The following CKAP2 variants were observed in gnomAD, a reference collection of about 807,000 sequenced individuals.
The protein encoded by CKAP2 is cytoskeleton-associated protein 2.
Under a neutral mutation model 58.4 loss-of-function variants are expected in CKAP2, and 46 were observed. The observed-to-expected ratio is 0.79, with a 90% CI of 0.62 to 1.01. CKAP2 has a LOEUF of 1.01. Among genes scored for constraint, CKAP2 ranks in the 50% least tolerant of loss-of-function variants. CKAP2 has a pLI of 0.00. For synonymous variants in CKAP2, 293 were observed against 280.9 expected (o/e 1.04, Z -0.43); for missense variants, 809 against 796.4 (o/e 1.02, Z -0.19).
At chr13:52,469,587 TTA>T (rs1341687611) in intron 7 of CKAP2, among the ~76,000 whole-genome samples, 1 of 142,764 alleles carries the variant, frequency 7.0e-6, no homozygotes, top group Non-Finnish European at 1.6e-5. Flanking sequence ...ATTTATTTAT[TTA>T]TTTATTTATT....
intron 2 of CKAP2, among the ~76,000 whole-genome samples, chr13:52,457,808 C>T (rs945670323): frequency 4.0e-5 from 6 of 151,682 alleles, no homozygotes; most frequent in Non-Finnish European, 7.4e-5. Flanking sequence ...GAGCCGAGAT[C>T]GTGCCATTGC....
intron 2 of CKAP2, among the ~76,000 whole-genome samples, chr13:52,459,846 T>G (rs954081376): frequency 6.6e-6 from 1 of 152,146 alleles, no homozygotes; most frequent in Admixed American, 6.5e-5. Context: ...GGATTTTCTT[T>G]GCAATACCGC....
At position 52,474,897 on chromosome 13, in the gene CKAP2, T is replaced by TG. The variant is rs766874363; in HGVS notation, c.1806dup (p.Lys603GlufsTer7). ...TGGAATATTGTTTTAATTTTCAGTG[T>TG]GAAAAAAAAGGTGCAGTTTGATGGA... On this transcript the variant is annotated frameshift_variant, in exon 9 of 9. Transcript: ENST00000258607. LOFTEE classifies it high-confidence loss of function. 1.2e-5 allele frequency: 20 copies of TG among 1,606,316 alleles called. No homozygotes were observed. Among genetic ancestry groups the TG allele is most frequent in the South Asian group, 8.8e-5 (8 of 90,426 alleles).
At chr13:52,470,376 A>ATGAC (rs1457703196) in intron 7 of CKAP2, among the ~76,000 whole-genome samples, 1 of 152,130 alleles carries the variant, frequency 6.6e-6, no homozygotes, top group Non-Finnish European at 1.5e-5. Flanking sequence ...AAGTGCTGGG[A>ATGAC]TGACAGGTGT....
At chr13:52,456,326 G>A (rs1449912242) in intron 1 of CKAP2, 197 bp from the exon 2 acceptor site, 2 of 676,674 alleles carry the variant, frequency 3.0e-6, no homozygotes, top group Non-Finnish European at 4.4e-6. Flanking sequence ...GGGGTTTTGG[G>A]GACCTGTTGT....
At chr13:52,469,525 T>G (rs967175283) in intron 7 of CKAP2, among the ~76,000 whole-genome samples, 8 of 152,136 alleles carry the variant, frequency 5.3e-5, no homozygotes, top group Admixed American at 4.6e-4. Context: ...AGGCAAAAAA[T>G]ACCCTCTTAT....
In CKAP2 at chr13:52,461,199, C is replaced by T; in HGVS notation, c.373C>T (p.Gln125Ter). ...CACACATAAACCTAAGGATAGTAAT[C>T]AAACTCCGCATTTGTTACTAACTGA... The part of the protein sequence containing the change: ...IDTHKPKDSN[Q>*]TPHLLLTEDD... Residue 125 changes from glutamine (Q) to a stop codon, truncating the protein, a stop_gained, in exon 4 of 9, where the codon CAA becomes TAA. Transcript: ENST00000258607. LOFTEE classifies it high-confidence loss of function. 1 of 1,613,918 alleles carries T rather than the reference C, an allele frequency of 6.2e-7. No homozygotes were observed. Among genetic ancestry groups the T allele is most frequent in the South Asian group, 1.1e-5 (1 of 90,974 alleles).
chr13:52,456,636 C>CT, intron 2 of CKAP2, 29 bp downstream of exon 2: 1 of 1,521,976 alleles, frequency 6.6e-7, no homozygotes, highest in Non-Finnish European at 9.1e-7. Context: ...CTTTTCACTT[C>CT]TGTAAAATTG....
Position 52,462,568 on chromosome 13 carries a change from G to T in CKAP2, c.1305+1G>T, listed in dbSNP as rs747697717. 6.2e-7 allele frequency: 1 copy of T among 1,607,792 alleles called. No homozygotes were observed. The highest frequency in any genetic ancestry group is 8.5e-7 in the Non-Finnish European group (1 of 1,177,020). ...TGAATGCCTGAACTTGATTAATGAG[G>T]TAGAGTCTTTATATTTGCTTAGCAT... On this transcript the variant is annotated splice_donor_variant, in intron 5 of 8. Transcript: ENST00000258607. LOFTEE classifies it high-confidence loss of function.
In CKAP2 at chr13:52,461,519, A is replaced by T. The variant is rs776760225; in HGVS notation, c.693A>T (p.Arg231Ser). 1.2e-6 allele frequency: 2 copies of T among 1,614,148 alleles called. No homozygotes were observed. Among genetic ancestry groups the T allele is most frequent in the Non-Finnish European group, 1.7e-6 (2 of 1,180,022 alleles). Residue 231 changes from arginine to serine, a missense_variant, in exon 4 of 9, where the codon AGA becomes AGT. By Grantham distance (110) the Arg-to-Ser change is moderately radical (BLOSUM62 -1). Coordinates refer to ENST00000258607, the MANE Select transcript of CKAP2 (RefSeq NM_018204.5). Reference protein sequence around the residue: ...NTSSVTVKSNRSSNMTATTKF... With the variant: ...NTSSVTVKSNSSSNMTATTKF... ...GCAGTGTAACAGTGAAAAGTAATAG[A>T]TCCTCCAATATGACTGCCACTACTA...
At position 52,456,916 on chromosome 13, in the gene CKAP2, C is replaced by CA. The variant is rs577835270; in HGVS notation, c.155+310dup. 2.7e-4 allele frequency among the ~76,000 whole-genome samples: 41 copies of CA among 151,074 alleles called. No individual in the cohort carries two copies. In the South Asian group the frequency reaches 8.4e-3, roughly 31 times the overall value. On this transcript the variant is annotated intron_variant, in intron 2 of 8. Coordinates refer to ENST00000258607, the MANE Select transcript of CKAP2 (RefSeq NM_018204.5). ...TTTATTAATTTTTTTTTTTTTGAGA[C>CA]AGAGTCTCACTCTGTTGCCAGGTTG...
At chr13:52,456,001 G>A in intron 1 of CKAP2, 1 of 1,068,920 alleles carries the variant, frequency 9.4e-7, no homozygotes, top group African/African-American at 1.7e-5. Context: ...CCGCCTCTTA[G>A]GTCCCTAGCG....
intron 7 of CKAP2, 41 bp downstream of exon 7, chr13:52,468,388 T>TG: frequency 3.5e-6 from 4 of 1,140,984 alleles, no homozygotes; most frequent in Non-Finnish European, 5.1e-6. Flanking sequence ...TGAACTGTAG[T>TG]TTTTTTTTGT....
intron 2 of CKAP2, among the ~76,000 whole-genome samples, 157 bp from the exon 3 acceptor site, chr13:52,460,742 G>A (rs935401117): frequency 1.5e-4 from 20 of 136,676 alleles, no homozygotes; most frequent in Admixed American, 7.8e-4. Flanking sequence ...ATGAGCCACC[G>A]CGCCTGGCCG....
intron 6 of CKAP2, among the ~76,000 whole-genome samples, chr13:52,466,119 G>A (rs910079618): frequency 2.0e-5 from 3 of 151,796 alleles, no homozygotes; most frequent in Non-Finnish European, 2.9e-5. Flanking sequence ...CAATAAACCG[G>A]TTTCTCTAAC....
chr13:52,458,231 G>A (rs887660106), intron 2 of CKAP2, among the ~76,000 whole-genome samples: 1 of 152,104 alleles, frequency 6.6e-6, no homozygotes, highest in Admixed American at 6.6e-5. Context: ...AGGAGCTGGG[G>A]AATTAGGAGT....
At chr13:52,474,118 A>G in intron 8 of CKAP2, 34 bp downstream of exon 8, 1 of 1,567,992 alleles carries the variant, frequency 6.4e-7, no homozygotes, top group Admixed American at 1.9e-5. Flanking sequence ...ATTTGTTTTC[A>G]TGCTTGGAGA....
intron 8 of CKAP2, among the ~76,000 whole-genome samples, 195 bp from the exon 9 acceptor site, chr13:52,474,693 CTACTGTA>C (rs1321438215): frequency 2.0e-5 from 3 of 152,146 alleles, no homozygotes; most frequent in Non-Finnish European, 4.4e-5. Flanking sequence ...ACTCAGGTAT[CTACTGTA>C]TACAAGTTGT....
intron 7 of CKAP2, chr13:52,473,580 G>C: frequency 2.7e-6 from 1 of 372,748 alleles, no homozygotes; most frequent in Non-Finnish European, 4.8e-6. Context: ...CACAGGCAAA[G>C]TTAGTTGTTT....
Sources: gnomAD v4.1 joint callset for allele counts (sites outside exome capture counted in the v4.1 genomes callset) on GRCh38, gnomAD v4.1.1 for gene constraint, MANE v1.5 for transcripts, NCBI Gene and HGNC (gene_info 2026-07-23, HGNC 2026-07-21) for gene names.